Variants in HLF observed in about 807,000 individuals in gnomAD.
HLF encodes the protein hepatic leukemia factor.
Under a neutral mutation model 22.6 loss-of-function variants are expected in HLF, and 3 were observed. The ratio of observed to expected loss-of-function variants is 0.13; its 90% CI spans 0.06 to 0.34. The LOEUF (loss-of-function observed/expected upper bound fraction) is 0.34. Ranked by LOEUF, HLF falls within the 10% of genes least tolerant of loss-of-function variation. The pLI, the probability that HLF is intolerant of heterozygous loss-of-function variation, is 1.00. For missense variants in HLF, 299 were observed against 389.2 expected (o/e 0.77, Z 1.95); for synonymous variants, 151 against 151.8 (o/e 0.99, Z 0.04).
rs1567828108 is a variant in HLF, at chr17:55,320,533, GGA to G, written c.673-128_673-127del. 1.5e-5 allele frequency: 10 copies of G among 688,814 alleles called. No homozygotes were observed. Among genetic ancestry groups the G allele is most frequent in the Middle Eastern group, 3.9e-4 (1 of 2,546 alleles). 42.7% of individuals were successfully genotyped at this position (688,814 alleles called of 1,614,324 possible). A position where few individuals can be genotyped will look rare whatever the true frequency, so the allele number is the denominator to read the frequency against. ...CAGACATGCAGAAACTGTAAAGGAAGGAGACACAAGCTAAGAAACCCGGGCTG... is the reference window on the plus strand; with the variant it reads ...CAGACATGCAGAAACTGTAAAGGAAGGACACAAGCTAAGAAACCCGGGCTG... On this transcript the variant is annotated intron_variant, in intron 3 of 3. Coordinates refer to ENST00000226067, the MANE Select transcript of HLF (RefSeq NM_002126.5). This position sits in a 1 kb window ranked among gnomAD's most constrained non-coding sequence, Gnocchi z 4.2.
intron 2 of HLF, among the ~76,000 whole-genome samples, chr17:55,302,236 C>G (rs778479646): frequency 1.3e-5 from 2 of 152,192 alleles, no homozygotes; most frequent in African/African-American, 4.8e-5. Context: ...GAGGCAATGA[C>G]CAGCAGTCCA....
At chr17:55,277,410 G>C (rs1348378139) in intron 2 of HLF, among the ~76,000 whole-genome samples, 1 of 152,070 alleles carries the variant, frequency 6.6e-6, no homozygotes, top group Non-Finnish European at 1.5e-5. Context: ...AAAATACTTA[G>C]CCAAGTTTCT....
intron 2 of HLF, among the ~76,000 whole-genome samples, chr17:55,308,596 A>G (rs1435499743): frequency 1.3e-5 from 2 of 152,192 alleles, no homozygotes; most frequent in African/African-American, 4.8e-5. Flanking sequence ...CCAAGTTTAT[A>G]ACATACAGGT....
rs1172136313 is a variant in HLF, at chr17:55,317,013, G to A, written c.672+1566G>A. Among the ~76,000 whole-genome samples, 6 of 146,262 alleles carry A rather than the reference G, an allele frequency of 4.1e-5. No homozygotes were observed. The East Asian group carries it at 1.2e-3, about 29-fold the overall frequency. On this transcript the variant is annotated intron_variant, in intron 3 of 3. Coordinates refer to ENST00000226067, the MANE Select transcript of HLF (RefSeq NM_002126.5). ...GATGGAGTCGCACTCTGTTGCCCAG[G>A]CTGGAGTGCAGTGGCACGATCTCAG...
rs1170639483 is a variant in HLF, at chr17:55,320,908, A to G, written c.*29A>G. The G allele has an allele frequency of 1.9e-6, 3 of 1,553,492 alleles. No individual in the cohort carries two copies. The highest frequency in any genetic ancestry group is 2.6e-6 in the Non-Finnish European group (3 of 1,135,090). ...GGCATTTTTGCAGGCTGGCTTTGGA[A>G]TAGATGGACAGTTTGTTTCCTGTCT... On this transcript the variant is annotated 3_prime_UTR_variant, in exon 4 of 4. Transcript: ENST00000226067. The surrounding 1 kb of genome is among the most constrained non-coding windows in gnomAD (Gnocchi z 4.2).
chr17:55,286,280 A>T (rs1020968704), intron 2 of HLF, among the ~76,000 whole-genome samples: 1 of 151,912 alleles, frequency 6.6e-6, no homozygotes, highest in African/African-American at 2.4e-5. Flanking sequence ...GTCTATTTTT[A>T]TTTCTTTTCT....
intron 2 of HLF, among the ~76,000 whole-genome samples, chr17:55,293,204 A>G (rs2081081111): frequency 6.6e-6 from 1 of 152,244 alleles, no homozygotes; most frequent in Non-Finnish European, 1.5e-5. Flanking sequence ...ATTACACATT[A>G]TATGCATGTA....
chr17:55,291,303 G>A (rs531308748), intron 2 of HLF, among the ~76,000 whole-genome samples: 5 of 152,284 alleles, frequency 3.3e-5, no homozygotes, highest in South Asian at 2.1e-4. Flanking sequence ...GCCTGGCATC[G>A]AAGGACAGGC....
At chr17:55,299,794 GT>G (rs1266107956) in intron 2 of HLF, among the ~76,000 whole-genome samples, 4 of 151,928 alleles carry the variant, frequency 2.6e-5, no homozygotes, top group African/African-American at 9.7e-5. Flanking sequence ...GCCCAGGCTG[GT>G]TTTGAACTCC....
At chr17:55,312,661 G>A (rs761736406) in intron 2 of HLF, among the ~76,000 whole-genome samples, 9 of 152,206 alleles carry the variant, frequency 5.9e-5, no homozygotes, top group Admixed American at 3.9e-4. Context: ...AGAGGTTCAC[G>A]TCAAGATGTT....
At chr17:55,284,680 T>A (rs1437536647) in intron 2 of HLF, among the ~76,000 whole-genome samples, 1 of 152,190 alleles carries the variant, frequency 6.6e-6, no homozygotes, top group Non-Finnish European at 1.5e-5. Context: ...AGGTGCCCTC[T>A]AGCCCTGTAA....
chr17:55,320,693 G>A lies in HLF; in HGVS notation c.702G>A (p.Lys234=). The A allele has an allele frequency of 3.1e-6, 5 of 1,614,206 alleles. No individual in the cohort carries two copies. The highest frequency in any genetic ancestry group is 4.2e-6 in the Non-Finnish European group (5 of 1,180,034). The stretch of plus-strand genomic sequence containing the variant: ...ACAAGTACTGGGCAAGGCGCAGAAA[G>A]AACAACATGGCAGCCAAGCGCTCCC... ...KDDKYWARRR[K]NNMAAKRSRD... Residue 234 remains lysine (K), a synonymous_variant, in exon 4 of 4, where the codon AAG becomes AAA. Transcript: ENST00000226067. The surrounding 1 kb of genome is among the most constrained non-coding windows in gnomAD (Gnocchi z 4.2).
Position 55,323,767 on chromosome 17 carries a change from A to G in HLF, c.*2888A>G. On this transcript the variant is annotated 3_prime_UTR_variant, in exon 4 of 4. Coordinates refer to ENST00000226067, the MANE Select transcript of HLF (RefSeq NM_002126.5). ...ACTCTGAGTGATTTGGGTCAACCGG[A>G]GTCAGACGCATGTCTGCACGCTGCA... The G allele has an allele frequency of 4.3e-6, 1 of 231,060 alleles. No individual in the cohort carries two copies. 14.3% of individuals were successfully genotyped at this position (231,060 alleles called of 1,614,324 possible).
At chr17:55,295,038 T>C (rs1354154903) in intron 2 of HLF, among the ~76,000 whole-genome samples, 1 of 152,214 alleles carries the variant, frequency 6.6e-6, no homozygotes, top group Non-Finnish European at 1.5e-5. Context: ...AAGGTGCTGG[T>C]AATTCAGAGA....
At chr17:55,298,198 G>T (rs1317475665) in intron 2 of HLF, among the ~76,000 whole-genome samples, 1 of 152,152 alleles carries the variant, frequency 6.6e-6, no homozygotes, top group Admixed American at 6.5e-5. Context: ...GGGGATTTAT[G>T]TGGGGAACTA....
intron 2 of HLF, among the ~76,000 whole-genome samples, chr17:55,306,667 T>C (rs9905936): frequency 0.057 from 8,669 of 152,114 alleles, 830 homozygotes; most frequent in African/African-American, 0.2. Context: ...ATGTCAGAGC[T>C]ATGACAGGTT....
intron 2 of HLF, among the ~76,000 whole-genome samples, chr17:55,286,513 A>C (rs2081005649): frequency 6.6e-6 from 1 of 152,202 alleles, no homozygotes; most frequent in Admixed American, 6.5e-5. Context: ...GTAGGTGGCC[A>C]CCTGAAGCTT....
intron 2 of HLF, among the ~76,000 whole-genome samples, chr17:55,284,308 T>C (rs1008556645): frequency 1.3e-5 from 2 of 152,228 alleles, no homozygotes; most frequent in African/African-American, 4.8e-5. Context: ...CAAGAGTGTG[T>C]TGGGCAATAG....
intron 2 of HLF, among the ~76,000 whole-genome samples, chr17:55,292,603 G>C (rs2081074151): frequency 6.6e-6 from 1 of 152,004 alleles, no homozygotes; most frequent in South Asian, 2.1e-4. Context: ...TTATTGCAGT[G>C]GTCTAGAACC....
Sources: gnomAD v4.1 joint callset for allele counts (sites outside exome capture counted in the v4.1 genomes callset) on GRCh38, gnomAD v4.1.1 for gene constraint, Gnocchi (gnomAD v3.1) non-coding constraint, MANE v1.5 for transcripts, NCBI Gene and HGNC (gene_info 2026-07-23, HGNC 2026-07-21) for gene names.